The following PRELID2 variants were observed in gnomAD, a reference collection of about 807,000 sequenced individuals.
PRELID2 encodes the protein PRELI domain-containing protein 2.
PRELID2 carries 25 observed loss-of-function variants against 28.4 expected under a neutral mutation model. The ratio of observed to expected loss-of-function variants is 0.88; its 90% CI spans 0.64 to 1.23. The LOEUF (loss-of-function observed/expected upper bound fraction) is 1.23. Ranked by LOEUF, PRELID2 falls within the 50% of genes most tolerant of loss-of-function variation. The pLI is 0.00. For synonymous variants in PRELID2, 76 were observed against 71.6 expected (o/e 1.06, Z -0.31); for missense variants, 201 against 214.4 (o/e 0.94, Z 0.39).
At chr5:145,364,951 A>G in the PRELID2 span, among the ~76,000 whole-genome samples, 3 of 152,006 alleles carry the variant, frequency 2.0e-5, no homozygotes, top group Non-Finnish European at 4.4e-5. Context: ...TTTAATGTAA[A>G]AGTGCTGGAC....
intron 1 of PRELID2, among the ~76,000 whole-genome samples, chr5:145,488,065 A>G (rs1697205941): frequency 6.9e-6 from 1 of 144,382 alleles, no homozygotes; most frequent in African/African-American, 2.6e-5. Flanking sequence ...GAGAGGTTGC[A>G]GTGAGCCGAG....
At chr5:145,609,906 G>C (rs1400870579) in intron 1 of PRELID2, among the ~76,000 whole-genome samples, 4 of 152,190 alleles carry the variant, frequency 2.6e-5, no homozygotes, top group African/African-American at 9.7e-5. Flanking sequence ...AGCTGGTACT[G>C]GGCCTTGTCT....
At chr5:145,276,594 A>G in the PRELID2 span, among the ~76,000 whole-genome samples, 2 of 152,024 alleles carry the variant, frequency 1.3e-5, no homozygotes, top group African/African-American at 4.8e-5. Context: ...CAAAATCCCA[A>G]CTTTATAAAA....
At chr5:145,284,202 T>C in the PRELID2 span, among the ~76,000 whole-genome samples, 2 of 152,204 alleles carry the variant, frequency 1.3e-5, no homozygotes, top group Admixed American at 1.3e-4. Flanking sequence ...ATGTATTCAA[T>C]GAATGCTAAT....
the PRELID2 span, among the ~76,000 whole-genome samples, chr5:145,263,881 G>C: frequency 6.7e-6 from 1 of 150,044 alleles, no homozygotes; most frequent in African/African-American, 2.5e-5. Flanking sequence ...TCCAGGACCA[G>C]ACAGATTCAC....
chr5:145,265,377 A>G, the PRELID2 span, among the ~76,000 whole-genome samples: 1 of 152,190 alleles, frequency 6.6e-6, no homozygotes. Flanking sequence ...TAACATTGTG[A>G]AAATGACCAT....
At chr5:145,481,517 C>G (rs1006116488) in intron 1 of PRELID2, among the ~76,000 whole-genome samples, 2 of 149,086 alleles carry the variant, frequency 1.3e-5, no homozygotes, top group Admixed American at 1.4e-4. Flanking sequence ...TAATGGTACT[C>G]TAGAGAATTG....
the PRELID2 span, among the ~76,000 whole-genome samples, chr5:145,465,024 G>T: frequency 6.6e-6 from 1 of 152,050 alleles, no homozygotes; most frequent in Non-Finnish European, 1.5e-5. Context: ...TTAGAATTGG[G>T]AAAGCTATTG....
At chr5:145,819,365 A>C in intron 3 of PRELID2, 1 of 1,583,846 alleles carries the variant, frequency 6.3e-7, no homozygotes, top group Non-Finnish European at 8.7e-7. Flanking sequence ...ATGTGATTAA[A>C]AATTTCCACT....
At chr5:145,558,221 G>C (rs993554066) in intron 1 of PRELID2, among the ~76,000 whole-genome samples, 1 of 152,184 alleles carries the variant, frequency 6.6e-6, no homozygotes, top group Non-Finnish European at 1.5e-5. Flanking sequence ...TAACGTATTT[G>C]AAAGTCATTA....
the PRELID2 span, among the ~76,000 whole-genome samples, chr5:145,462,875 C>T: frequency 6.6e-6 from 1 of 152,306 alleles, no homozygotes; most frequent in South Asian, 2.1e-4. Context: ...CCCCAGGTTA[C>T]TAGATTATCC....
At chr5:145,292,406 G>A in the PRELID2 span, among the ~76,000 whole-genome samples, 2 of 151,948 alleles carry the variant, frequency 1.3e-5, no homozygotes, top group Non-Finnish European at 2.9e-5. Flanking sequence ...CAGGGGCAGG[G>A]GTTGTGACTC....
the PRELID2 span, among the ~76,000 whole-genome samples, chr5:145,347,663 C>T: frequency 6.6e-6 from 1 of 152,010 alleles, no homozygotes; most frequent in Non-Finnish European, 1.5e-5. Context: ...AGGGTTCATT[C>T]TTTCCTGCCT....
chr5:145,624,926 T>C (rs1186028854), intron 1 of PRELID2, among the ~76,000 whole-genome samples: 1 of 152,106 alleles, frequency 6.6e-6, no homozygotes, highest in Non-Finnish European at 1.5e-5. Context: ...TGTCAAAATA[T>C]ATCAATAGTA....
chr5:145,568,421 T>C (rs1752987037), intron 1 of PRELID2, among the ~76,000 whole-genome samples: 1 of 152,248 alleles, frequency 6.6e-6, no homozygotes, highest in Non-Finnish European at 1.5e-5. Flanking sequence ...TCTCAATCAC[T>C]GGAAGTCAAT....
At chr5:145,327,406 A>G in the PRELID2 span, among the ~76,000 whole-genome samples, 1 of 151,968 alleles carries the variant, frequency 6.6e-6, no homozygotes. Context: ...TCTTAAAGTC[A>G]ATTTTGTACG....
chr5:145,715,229 T>C (rs1205241172), intron 1 of PRELID2, among the ~76,000 whole-genome samples: 1 of 152,162 alleles, frequency 6.6e-6, no homozygotes, highest in African/African-American at 2.4e-5. Flanking sequence ...GCATCTCCAC[T>C]CACCGAATTA....
chr5:145,376,949 T>G, the PRELID2 span, among the ~76,000 whole-genome samples: 51 of 152,280 alleles, frequency 3.3e-4, no homozygotes, highest in Middle Eastern at 3.4e-3. Flanking sequence ...TGTTTGCTCT[T>G]GGTTATCTAG....
chr5:145,766,098 C>T (rs1027235020), intron 5 of PRELID2, among the ~76,000 whole-genome samples: 1 of 152,122 alleles, frequency 6.6e-6, no homozygotes, highest in African/African-American at 2.4e-5. Context: ...ACAAGTTTTA[C>T]AGACCAGAGG....
Sources: allele counts gnomAD v4.1 joint callset (sites outside exome capture counted in the v4.1 genomes callset), GRCh38; gene constraint gnomAD v4.1.1; transcripts MANE v1.5; gene names NCBI Gene and HGNC (gene_info 2026-07-23, HGNC 2026-07-21).